Variants in GPM6A observed in about 807,000 individuals in gnomAD.
GPM6A encodes neuronal membrane glycoprotein M6-a.
GPM6A carries 7 observed loss-of-function variants against 32.1 expected under a neutral mutation model. That is an observed-to-expected ratio of 0.22 (90% CI 0.12 to 0.41). The LOEUF is 0.41. Ranked by LOEUF, GPM6A falls within the 10% of genes least tolerant of loss-of-function variation. GPM6A has a pLI of 1.00. For missense variants in GPM6A, 235 were observed against 347.2 expected, an observed-to-expected ratio of 0.68 and a Z score of 2.57; for synonymous variants, 130 against 123.4, an observed-to-expected ratio of 1.05 and a Z score of -0.35.
At chr4:175,664,027 C>T (rs1742592530) in intron 3 of GPM6A, among the ~76,000 whole-genome samples, 2 of 151,988 alleles carry the variant, frequency 1.3e-5, no homozygotes, top group Admixed American at 6.6e-5. Flanking sequence ...CAAATTGTGC[C>T]ATAAAGCCAT....
intron 1 of GPM6A, among the ~76,000 whole-genome samples, chr4:175,819,962 A>G (rs987353380): frequency 6.6e-6 from 1 of 152,246 alleles, no homozygotes; most frequent in African/African-American, 2.4e-5. Flanking sequence ...CAGTTTAAAC[A>G]GCAATAAATC....
chr4:175,929,495 T>C (rs1176898122), intron 1 of GPM6A, among the ~76,000 whole-genome samples: 1 of 152,224 alleles, frequency 6.6e-6, no homozygotes, highest in Non-Finnish European at 1.5e-5. Flanking sequence ...ACAAATAAAG[T>C]AATATGGTTC....
At chr4:175,987,524 T>TTGTGTGTGTG (rs141045074) in intron 1 of GPM6A, among the ~76,000 whole-genome samples, 63 of 148,684 alleles carry the variant, frequency 4.2e-4, no homozygotes, top group African/African-American at 1.3e-3. Context: ...TAAAGTGTGT[T>TTGTGTGTGTG]TGTGTGTGTG....
At position 175,675,631 on chromosome 4, in the gene GPM6A, T is replaced by C. The variant is rs541147188; in HGVS notation, c.231-1795A>G. Among the ~76,000 whole-genome samples the C allele has an allele frequency of 2.5e-3, 387 of 152,240 alleles. 5 individuals are homozygous for C. Among genetic ancestry groups the C allele is most frequent in the African/African-American group, 9.0e-3 (372 of 41,534 alleles). On this transcript the variant is annotated intron_variant, in intron 2 of 6. Transcript: ENST00000393658. ...TAAGATTTTTAATGATTTTTCTTCG[T>C]ATAATTTCCACTTATTTATTTATTT...
chr4:175,888,552 A>G (rs542463443), intron 1 of GPM6A, among the ~76,000 whole-genome samples: 1 of 152,126 alleles, frequency 6.6e-6, no homozygotes, highest in Non-Finnish European at 1.5e-5. Context: ...GACTTCTGCA[A>G]GGTTGCTGAA....
intron 2 of GPM6A, among the ~76,000 whole-genome samples, chr4:175,699,542 A>G (rs73002165): frequency 0.047 from 7,185 of 152,254 alleles, 203 homozygotes; most frequent in Non-Finnish European, 0.063. Flanking sequence ...TCATGACCTT[A>G]GCGAAGCTCT....
intron 1 of GPM6A, among the ~76,000 whole-genome samples, chr4:175,772,858 A>T (rs909823918): frequency 6.6e-6 from 1 of 152,178 alleles, no homozygotes; most frequent in African/African-American, 2.4e-5. Context: ...TTTAGAAATC[A>T]AATGGAAGCA....
intron 1 of GPM6A, among the ~76,000 whole-genome samples, chr4:175,825,776 T>G (rs1735414616): frequency 6.6e-6 from 1 of 152,216 alleles, no homozygotes; most frequent in South Asian, 2.1e-4. Flanking sequence ...TTGAATGTGC[T>G]TTTTGTCCAG....
At chr4:175,769,518 C>A (rs977671917) in intron 1 of GPM6A, among the ~76,000 whole-genome samples, 1 of 151,760 alleles carries the variant, frequency 6.6e-6, no homozygotes, top group Non-Finnish European at 1.5e-5. Context: ...TTGCCCAGGG[C>A]CCCCCTGTGA....
intron 1 of GPM6A, among the ~76,000 whole-genome samples, chr4:175,879,177 C>G (rs73010156): frequency 0.025 from 3,863 of 152,184 alleles, 155 homozygotes; most frequent in African/African-American, 0.087. Context: ...AGCCATTCAC[C>G]AAGTCTCTAG....
At chr4:175,810,149 CT>C (rs1407510427) in intron 1 of GPM6A, among the ~76,000 whole-genome samples, 3 of 152,168 alleles carry the variant, frequency 2.0e-5, no homozygotes, top group East Asian at 3.9e-4. Flanking sequence ...ATTTTGTCTG[CT>C]TGTCAAATTG....
intron 1 of GPM6A, among the ~76,000 whole-genome samples, chr4:175,860,813 A>T (rs1736551890): frequency 6.6e-6 from 1 of 152,214 alleles, no homozygotes. Context: ...ACTATGTTTA[A>T]GCAGATGGCT....
At chr4:175,889,783 A>G in intron 1 of GPM6A, among the ~76,000 whole-genome samples, 1 of 152,180 alleles carries the variant, frequency 6.6e-6, no homozygotes. Flanking sequence ...ACTGCACTCC[A>G]GCCTGGGTGA....
chr4:175,901,643 T>C (rs200589741), intron 1 of GPM6A, among the ~76,000 whole-genome samples: 63 of 124,268 alleles, frequency 5.1e-4, no homozygotes, highest in East Asian at 1.1e-3. Flanking sequence ...TTTTTTTTCC[T>C]TTTTTTTTTT....
chr4:176,000,579 A>G (rs1000917337), intron 1 of GPM6A, among the ~76,000 whole-genome samples: 11 of 152,156 alleles, frequency 7.2e-5, no homozygotes, highest in African/African-American at 2.4e-4. Context: ...AAATTATGTA[A>G]TTCTTTCTAG....
intron 2 of GPM6A, among the ~76,000 whole-genome samples, chr4:175,686,267 G>T (rs1454850962): frequency 1.3e-5 from 2 of 152,182 alleles, no homozygotes; most frequent in African/African-American, 2.4e-5. Context: ...AAAAGTAATT[G>T]CAGTTTTAAC....
At chr4:175,965,062 T>C (rs1329989369) in intron 1 of GPM6A, among the ~76,000 whole-genome samples, 1 of 152,170 alleles carries the variant, frequency 6.6e-6, no homozygotes, top group Admixed American at 6.5e-5. Context: ...GCACAATCAA[T>C]TGAATCTAAT....
chr4:175,716,273 G>C (rs1029807709), intron 1 of GPM6A, among the ~76,000 whole-genome samples: 7 of 152,070 alleles, frequency 4.6e-5, no homozygotes, highest in Non-Finnish European at 8.8e-5. Context: ...TCAGAATCAT[G>C]ATAATTTTCT....
At chr4:175,976,084 G>T (rs1740648608) in intron 1 of GPM6A, among the ~76,000 whole-genome samples, 1 of 151,240 alleles carries the variant, frequency 6.6e-6, no homozygotes, top group Non-Finnish European at 1.5e-5. Flanking sequence ...CACCTACCAT[G>T]CTTCACACTG....
Sources: allele counts gnomAD v4.1 joint callset (sites outside exome capture counted in the v4.1 genomes callset), GRCh38; gene constraint gnomAD v4.1.1; transcripts MANE v1.5; gene names NCBI Gene and HGNC (gene_info 2026-07-23, HGNC 2026-07-21).